The following ZNF573 variants were observed in gnomAD, a reference collection of about 807,000 sequenced individuals.
ZNF573 encodes zinc finger protein 573.
A neutral mutation model predicts 57.4 loss-of-function variants in ZNF573; 41 were observed. The ratio of observed to expected loss-of-function variants is 0.71; its 90% CI spans 0.56 to 0.93. The LOEUF is 0.93. Among genes scored for constraint, ZNF573 ranks in the 40% least tolerant of loss-of-function variants. ZNF573 has a pLI of 0.00. For synonymous variants in ZNF573, 249 were observed against 261.0 expected (o/e 0.95, Z 0.44); for missense variants, 730 against 794.8 (o/e 0.92, Z 0.98).
At chr19:37,765,035 A>G (rs2045589405) in intron 4 of ZNF573, among the ~76,000 whole-genome samples, 1 of 151,022 alleles carries the variant, frequency 6.6e-6, no homozygotes, top group Admixed American at 6.6e-5. Context: ...CCTCCCCAGT[A>G]GCTGGAATTA....
In ZNF573 at chr19:37,740,211, C is replaced by A. The variant is rs1381217936; in HGVS notation, c.296-17G>T. The A allele has an allele frequency of 3.3e-6, 5 of 1,526,792 alleles. No individual in the cohort carries two copies. In the Admixed American group the frequency reaches 6.8e-5, roughly 21 times the overall value. The allele number at this position is 1,526,792 out of a possible 1,614,324, so 94.6% of individuals were successfully genotyped here. ...AATCCAAATCTGAAACAAAAGAGGACAACAAAAAAAATTTGTATTTCTATA... is the reference window on the plus strand; with the variant it reads ...AATCCAAATCTGAAACAAAAGAGGAAAACAAAAAAAATTTGTATTTCTATA... On this transcript the variant is annotated splice_polypyrimidine_tract_variant and intron_variant, in intron 4 of 4. Coordinates refer to ENST00000536220, the MANE Select transcript of ZNF573 (RefSeq NM_001172690.2).
chr19:37,764,635 G>A (rs977237449), intron 4 of ZNF573, among the ~76,000 whole-genome samples: 3 of 135,650 alleles, frequency 2.2e-5, no homozygotes, highest in African/African-American at 8.5e-5. Flanking sequence ...ACGGTGTCTC[G>A]CTCTTTCACC....
At chr19:37,748,520 C>T (rs2045403268) in intron 4 of ZNF573, among the ~76,000 whole-genome samples, 1 of 152,166 alleles carries the variant, frequency 6.6e-6, no homozygotes, top group South Asian at 2.1e-4. Flanking sequence ...TTACTCTAAT[C>T]ATGAGGGGAA....
At chr19:37,757,267 G>A (rs943556620) in intron 4 of ZNF573, among the ~76,000 whole-genome samples, 31 of 152,056 alleles carry the variant, frequency 2.0e-4, no homozygotes, top group African/African-American at 7.0e-4. Context: ...CATGATCTTG[G>A]CTCACTGCGA....
At chr19:37,768,216 T>C (rs2045619512) in intron 4 of ZNF573, among the ~76,000 whole-genome samples, 1 of 152,242 alleles carries the variant, frequency 6.6e-6, no homozygotes, top group Non-Finnish European at 1.5e-5. Flanking sequence ...CTAATGTTTT[T>C]AAAAATGCCT....
At chr19:37,777,199 G>C (rs1599712516) in intron 1 of ZNF573, among the ~76,000 whole-genome samples, 2 of 151,948 alleles carry the variant, frequency 1.3e-5, no homozygotes, top group Admixed American at 6.6e-5. Flanking sequence ...CAGTGATAGA[G>C]ACAGGAGTCT....
intron 1 of ZNF573, among the ~76,000 whole-genome samples, chr19:37,774,172 C>T (rs1200574514): frequency 1.6e-5 from 2 of 127,754 alleles, no homozygotes; most frequent in East Asian, 5.0e-4. Flanking sequence ...GAGACTCGCT[C>T]TGTTGCCCAG....
At chr19:37,746,620 C>T (rs2045385365) in intron 4 of ZNF573, among the ~76,000 whole-genome samples, 1 of 151,966 alleles carries the variant, frequency 6.6e-6, no homozygotes, top group South Asian at 2.1e-4. Context: ...TGCTCTGTCG[C>T]CCAGGCTGGA....
rs2045298972 is a variant in ZNF573 at position 37,739,342 on chromosome 19, T to C, written c.1148A>G (p.Glu383Gly). 6.2e-7 allele frequency: 1 copy of C among 1,613,986 alleles called. No homozygotes were observed. Residue 383 changes from glutamate (E) to glycine (G), a missense_variant, in exon 5 of 5, where the codon GAG (glutamate) becomes GGG (glycine). Coordinates refer to ENST00000536220, the MANE Select transcript of ZNF573 (RefSeq NM_001172690.2). ...LTRHQNIHTG[E>G]KLFECKQCGK... ...ACATTGCTTGCATTCAAAAAGTTTC[T>C]CACCAGTATGAATATTCTGATGCCG...
chr19:37,747,664 CTGATGTAATG>C (rs1313877449), intron 4 of ZNF573, among the ~76,000 whole-genome samples: 1 of 151,970 alleles, frequency 6.6e-6, no homozygotes, highest in Non-Finnish European at 1.5e-5. Context: ...TCATGTACCC[CTGATGTAATG>C]TGATGAAAAG....
intron 1 of ZNF573, among the ~76,000 whole-genome samples, chr19:37,778,146 T>A (rs961949279): frequency 6.6e-6 from 1 of 151,520 alleles, no homozygotes; most frequent in African/African-American, 2.4e-5. Context: ...CTTAATAAAA[T>A]GTGTCTTAAA....
intron 4 of ZNF573, among the ~76,000 whole-genome samples, chr19:37,766,792 A>G (rs1220397196): frequency 6.6e-6 from 1 of 152,190 alleles, no homozygotes; most frequent in Admixed American, 6.5e-5. Flanking sequence ...GATGCATACA[A>G]TACTGCCCAG....
intron 4 of ZNF573, chr19:37,740,760 G>C (rs1044288205): frequency 1.7e-5 from 6 of 350,582 alleles, no homozygotes; most frequent in African/African-American, 4.3e-5. Flanking sequence ...ATCAGTTCCA[G>C]GACCTCCTGC....
At chr19:37,746,667 C>T (rs1162430721) in intron 4 of ZNF573, among the ~76,000 whole-genome samples, 2 of 152,020 alleles carry the variant, frequency 1.3e-5, no homozygotes, top group Non-Finnish European at 2.9e-5. Context: ...GCAACCTCTG[C>T]CTCCCGAGTT....
At chr19:37,754,847 C>G (rs2045472314) in intron 4 of ZNF573, among the ~76,000 whole-genome samples, 1 of 151,762 alleles carries the variant, frequency 6.6e-6, no homozygotes, top group African/African-American at 2.4e-5. Flanking sequence ...TTAGGAACAG[C>G]CACACAACAT....
At chr19:37,778,704 C>T (rs1277734018) in intron 1 of ZNF573, among the ~76,000 whole-genome samples, 3 of 152,054 alleles carry the variant, frequency 2.0e-5, no homozygotes, top group Non-Finnish European at 2.9e-5. Flanking sequence ...TCATTAGAGT[C>T]CTTTTGAGGA....
At chr19:37,747,127 C>T (rs1358728209) in intron 4 of ZNF573, among the ~76,000 whole-genome samples, 1 of 147,464 alleles carries the variant, frequency 6.8e-6, no homozygotes, top group East Asian at 2.0e-4. Context: ...TTTGATTCTA[C>T]CTTGAAGTAT....
Position 37,764,902 on chromosome 19 carries a change from CTTTTTTTTTTT to C in ZNF573, c.295+5092_295+5102del, listed in dbSNP as rs34049888. Among the ~76,000 whole-genome samples the C allele has an allele frequency of 5.6e-5, 6 of 106,530 alleles. No homozygotes were observed. In the South Asian group the frequency reaches 1.2e-3, roughly 22 times the overall value. 69.9% of individuals were successfully genotyped at this position (106,530 alleles called of 152,430 possible). ...ACAGGCATGAGCCACTGTGCCCGGC[CTTTTTTTTTTT>C]TTTTTTTTTGAGACGGAGTTTCACT... On this transcript the variant is annotated intron_variant, in intron 4 of 4. Transcript: ENST00000536220.
chr19:37,743,319 CAAAAAAA>C (rs74174484), intron 4 of ZNF573, among the ~76,000 whole-genome samples: 1 of 100,008 alleles, frequency 1.0e-5, no homozygotes, highest in Non-Finnish European at 1.9e-5. Context: ...GAATCCATCT[CAAAAAAA>C]AAAAAAAAAA....
Sources: gnomAD v4.1 joint callset for allele counts (sites outside exome capture counted in the v4.1 genomes callset) on GRCh38, gnomAD v4.1.1 for gene constraint, MANE v1.5 for transcripts, NCBI Gene and HGNC (gene_info 2026-07-23, HGNC 2026-07-21) for gene names.